Variants in SIPA1L3 observed in about 807,000 individuals in gnomAD.
SIPA1L3 encodes signal induced proliferation associated 1 like 3.
Under a neutral mutation model 150.1 loss-of-function variants are expected in SIPA1L3, and 59 were observed. The ratio of observed to expected loss-of-function variants is 0.39; its 90% confidence interval spans 0.32 to 0.49. SIPA1L3 has a LOEUF of 0.49. Ranked by LOEUF, SIPA1L3 falls within the 20% of genes least tolerant of loss-of-function variation. The pLI is 0.86. For missense variants in SIPA1L3, 2,211 were observed against 2,489.5 expected, an observed-to-expected ratio of 0.89 and a Z score of 2.38; for synonymous variants, 1,070 against 1,077.6, an observed-to-expected ratio of 0.99 and a Z score of 0.14.
intron 1 of SIPA1L3, among the ~76,000 whole-genome samples, chr19:37,921,234 G>A (rs556801220): frequency 3.3e-5 from 5 of 152,336 alleles, no homozygotes; most frequent in South Asian, 4.1e-4. Context: ...ACGGCCGGCC[G>A]GCGTGCGCTC....
In SIPA1L3 at chr19:38,164,850, C is replaced by G. The variant is rs1972174457; in HGVS notation, c.4152C>G (p.Gly1384=). The change falls in exon 15 of 22, where the codon GGC becomes GGG. Residue 1384 remains glycine, a synonymous_variant. Transcript: ENST00000222345. The surrounding 1 kb of genome is among the most constrained non-coding windows in gnomAD (Gnocchi z 4.1). ...ACCGACCGAAGCTGTACTCCTCCGG[C>G]TCCAGCACCCCCACGGGACTGGCGG... ...KGYRPKLYSS[G]SSTPTGLAGG... 1 of 1,591,464 alleles carries G rather than the reference C, an allele frequency of 6.3e-7. No homozygotes were observed. The highest frequency in any genetic ancestry group is 1.3e-5 in the African/African-American group (1 of 74,610).
chr19:38,196,450 AAGGG>A (rs1972944145), intron 18 of SIPA1L3, among the ~76,000 whole-genome samples: 1 of 150,486 alleles, frequency 6.6e-6, no homozygotes, highest in African/African-American at 2.5e-5. Flanking sequence ...CAAGGAGGTC[AAGGG>A]CGGAGTGTGG....
intron 13 of SIPA1L3, among the ~76,000 whole-genome samples, chr19:38,158,261 G>C (rs1301953322): frequency 2.6e-5 from 4 of 152,186 alleles, no homozygotes; most frequent in Non-Finnish European, 5.9e-5. Flanking sequence ...AACTGTCACA[G>C]TGTGCAGAAG....
At chr19:38,110,571 G>T (rs949196109) in intron 8 of SIPA1L3, among the ~76,000 whole-genome samples, 187 bp downstream of exon 8, 1 of 152,154 alleles carries the variant, frequency 6.6e-6, no homozygotes, top group Non-Finnish European at 1.5e-5. Flanking sequence ...CCCCACTTTT[G>T]CTAAGGAAAC....
intron 15 of SIPA1L3, among the ~76,000 whole-genome samples, chr19:38,175,163 G>A (rs530192294): frequency 1.9e-4 from 29 of 152,178 alleles, no homozygotes; most frequent in Admixed American, 1.1e-3. Flanking sequence ...GGTGGTGGTA[G>A]TTCCTGTCTC....
chr19:38,078,086 T>A (rs1009380084), intron 2 of SIPA1L3, among the ~76,000 whole-genome samples: 1 of 152,190 alleles, frequency 6.6e-6, no homozygotes, highest in Non-Finnish European at 1.5e-5. Context: ...TGTCAGAAGA[T>A]GCCCTGCCAT....
At chr19:38,014,873 G>A (rs1001205417) in intron 1 of SIPA1L3, among the ~76,000 whole-genome samples, 4 of 151,982 alleles carry the variant, frequency 2.6e-5, no homozygotes, top group African/African-American at 9.7e-5. Flanking sequence ...GTTTCACTGT[G>A]TTAGCCAGGA....
intron 9 of SIPA1L3, among the ~76,000 whole-genome samples, chr19:38,124,809 G>A (rs1279723162): frequency 1.3e-5 from 2 of 152,144 alleles, no homozygotes; most frequent in Non-Finnish European, 2.9e-5. Context: ...AGACCAGCCC[G>A]GCCATCACAG....
At chr19:38,054,847 G>C (rs2145767410) in intron 2 of SIPA1L3, among the ~76,000 whole-genome samples, 1 of 152,302 alleles carries the variant, frequency 6.6e-6, no homozygotes, top group South Asian at 2.1e-4. Flanking sequence ...TCGCTGCTCA[G>C]GCCATGGGGA....
Position 38,046,120 on chromosome 19 carries a change from A to C in SIPA1L3, c.-311+16964A>C, listed in dbSNP as rs1211565057. Among the ~76,000 whole-genome samples, 1 of 152,040 alleles carries C rather than the reference A, an allele frequency of 6.6e-6. No individual in the cohort carries two copies. Among genetic ancestry groups the C allele is most frequent in the Non-Finnish European group, 1.5e-5 (1 of 68,016 alleles). ...GCTTTTTGCCGTCATCTGGCCACTC[A>C]GTCGGCGGGGTTGAGAGGAGCTTTC... is the stretch of plus-strand genomic sequence containing the variant. On this transcript the variant is annotated intron_variant, in intron 2 of 21. Coordinates refer to ENST00000222345, the MANE Select transcript of SIPA1L3 (RefSeq NM_015073.3). This position sits in a 1 kb window ranked among gnomAD's most constrained non-coding sequence, Gnocchi z 5.6.
chr19:37,980,139 A>C lies in SIPA1L3; in HGVS notation c.-378-48950A>C, dbSNP rs538908389. Among the ~76,000 whole-genome samples, 14 of 152,344 alleles carry C rather than the reference A, an allele frequency of 9.2e-5. No individual in the cohort carries two copies. In the South Asian group the frequency reaches 2.9e-3, roughly 32 times the overall value. ...CTTTGTTTTTATTTGTGGCACTTAAATAAAAAATAGGTCATGCATTTATAT... is the reference window on the plus strand; with the variant it reads ...CTTTGTTTTTATTTGTGGCACTTAACTAAAAAATAGGTCATGCATTTATAT... On this transcript the variant is annotated intron_variant, in intron 1 of 21. Coordinates refer to ENST00000222345, the MANE Select transcript of SIPA1L3 (RefSeq NM_015073.3).
At chr19:38,151,673 G>A (rs1971825030) in intron 12 of SIPA1L3, among the ~76,000 whole-genome samples, 1 of 152,026 alleles carries the variant, frequency 6.6e-6, no homozygotes, top group Non-Finnish European at 1.5e-5. Flanking sequence ...TGTAGACAGG[G>A]CCACTGGGGC....
chr19:38,201,094 A>G (rs1973078643), intron 19 of SIPA1L3, among the ~76,000 whole-genome samples: 1 of 152,164 alleles, frequency 6.6e-6, no homozygotes. Context: ...CCTGCCCCTG[A>G]TGGTGCCGCC....
Position 38,119,302 on chromosome 19 carries a change from A to G in SIPA1L3, c.2292-4A>G, listed in dbSNP as rs1235992596. 6.2e-7 allele frequency: 1 copy of G among 1,610,030 alleles called. No individual in the cohort carries two copies. ...CACCATCTAAATAATCTCTCCCTCCACAGTATGGCTGTGACCCGATCCAAA... is the reference window on the plus strand; with the variant it reads ...CACCATCTAAATAATCTCTCCCTCCGCAGTATGGCTGTGACCCGATCCAAA... On this transcript the variant is annotated splice_region_variant and splice_polypyrimidine_tract_variant and intron_variant, in intron 8 of 21. Coordinates refer to ENST00000222345, the MANE Select transcript of SIPA1L3 (RefSeq NM_015073.3).
intron 1 of SIPA1L3, among the ~76,000 whole-genome samples, chr19:38,003,440 G>T (rs1343157994): frequency 6.6e-6 from 1 of 152,234 alleles, no homozygotes; most frequent in African/African-American, 2.4e-5. Context: ...TGAATTTGGT[G>T]TATGTCTCTA....
chr19:38,099,870 A>G (rs1469025586), intron 4 of SIPA1L3, 92 bp from the exon 5 acceptor site: 1 of 1,094,666 alleles, frequency 9.1e-7, no homozygotes, highest in Non-Finnish European at 1.3e-6. Context: ...ATCATCACAC[A>G]TGTCTCTTTC....
intron 1 of SIPA1L3, among the ~76,000 whole-genome samples, chr19:37,989,299 A>C (rs1967439883): frequency 6.6e-6 from 1 of 152,150 alleles, no homozygotes; most frequent in African/African-American, 2.4e-5. Context: ...AGCTCACTGC[A>C]ACATCCATTT....
intron 13 of SIPA1L3, among the ~76,000 whole-genome samples, chr19:38,153,736 C>A (rs1971880444): frequency 6.6e-6 from 1 of 151,046 alleles, no homozygotes; most frequent in Admixed American, 6.6e-5. Flanking sequence ...GAATTCAAGA[C>A]CAGCCTGGCC....
chr19:38,141,277 T>A lies in SIPA1L3; in HGVS notation c.3237T>A (p.Asn1079Lys). 6.2e-7 allele frequency: 1 copy of A among 1,613,540 alleles called. No individual in the cohort carries two copies. Among genetic ancestry groups the A allele is most frequent in the Non-Finnish European group, 8.5e-7 (1 of 1,179,820 alleles). Residue 1079 changes from asparagine (N) to lysine (K), a missense_variant, in exon 11 of 22, where the codon AAT becomes AAA. By Grantham distance (94) the Asn-to-Lys change is moderately conservative. Transcript: ENST00000222345. ...TPGGRPPYRS[N>K]APWQWSGPAS... ...GGGGCCGGCCCCCCTACCGCAGCAA[T>A]GCTCCCTGGCAGTGGAGCGGGCCCG...
Sources: allele counts gnomAD v4.1 joint callset (sites outside exome capture counted in the v4.1 genomes callset), GRCh38; gene constraint gnomAD v4.1.1; non-coding constraint Gnocchi (gnomAD v3.1); transcripts MANE v1.5; gene names NCBI Gene and HGNC (gene_info 2026-07-23, HGNC 2026-07-21).